The following SGCD variants were observed in gnomAD, a reference collection of about 807,000 sequenced individuals.
SGCD encodes the protein delta-sarcoglycan.
In SGCD, 18 loss-of-function variants were observed where a neutral mutation model predicts 36.6. The ratio of observed to expected loss-of-function variants is 0.49; its 90% CI spans 0.34 to 0.73. SGCD has a LOEUF of 0.73. Ranked by LOEUF, SGCD falls within the 30% of genes least tolerant of loss-of-function variation. SGCD has a pLI of 0.01. For missense variants in SGCD, 387 were observed against 346.7 expected (o/e 1.12, Z -0.92); for synonymous variants, 133 against 130.6 (o/e 1.02, Z -0.12).
chr5:156,633,824 T>G (rs1267880374), intron 6 of SGCD, among the ~76,000 whole-genome samples: 2 of 152,176 alleles, frequency 1.3e-5, no homozygotes, highest in Non-Finnish European at 2.9e-5. Context: ...TGCTCTTTGG[T>G]CAGTTAAGAT....
chr5:156,442,351 A>G (rs1753531638), intron 3 of SGCD, among the ~76,000 whole-genome samples: 1 of 152,202 alleles, frequency 6.6e-6, no homozygotes, highest in Non-Finnish European at 1.5e-5. Context: ...ATTGGTTTAC[A>G]TTGGTTTAAA....
chr5:156,160,859 A>G (rs555921963), intron 3 of SGCD, among the ~76,000 whole-genome samples: 1 of 151,664 alleles, frequency 6.6e-6, no homozygotes, highest in Non-Finnish European at 1.5e-5. Context: ...CTCTTAGATT[A>G]GAGGCCAGCA....
At chr5:156,518,014 G>A (rs958224620) in intron 4 of SGCD, among the ~76,000 whole-genome samples, 1 of 152,154 alleles carries the variant, frequency 6.6e-6, no homozygotes, top group Non-Finnish European at 1.5e-5. Context: ...ATGTAAATGG[G>A]CTAATTGCCC....
At chr5:156,261,109 T>A (rs1765849370) in intron 3 of SGCD, among the ~76,000 whole-genome samples, 2 of 152,194 alleles carry the variant, frequency 1.3e-5, no homozygotes, top group African/African-American at 2.4e-5. Flanking sequence ...AGCTGTGGTG[T>A]CTTTTCTTTA....
intron 6 of SGCD, among the ~76,000 whole-genome samples, chr5:156,631,814 G>C (rs1204182770): frequency 6.6e-6 from 1 of 152,002 alleles, no homozygotes; most frequent in African/African-American, 2.4e-5. Context: ...AGGAGTAATG[G>C]TCACTCTTCA....
At chr5:156,184,991 C>T (rs1342898425) in intron 3 of SGCD, among the ~76,000 whole-genome samples, 1 of 152,108 alleles carries the variant, frequency 6.6e-6, no homozygotes, top group African/African-American at 2.4e-5. Flanking sequence ...ATTCCTGTGC[C>T]CCATTATGAG....
At chr5:156,378,143 C>T (rs750698287) in intron 3 of SGCD, among the ~76,000 whole-genome samples, 6 of 152,126 alleles carry the variant, frequency 3.9e-5, no homozygotes, top group Non-Finnish European at 5.9e-5. Context: ...GTGGTATAGA[C>T]ATACAATGAC....
intron 3 of SGCD, among the ~76,000 whole-genome samples, chr5:156,303,672 G>A (rs932861599): frequency 2.0e-5 from 3 of 151,478 alleles, no homozygotes; most frequent in Non-Finnish European, 2.9e-5. Context: ...TAGTCAGCAG[G>A]TGATGAATCC....
intron 3 of SGCD, among the ~76,000 whole-genome samples, chr5:156,260,187 T>C (rs889608397): frequency 6.6e-6 from 1 of 152,200 alleles, no homozygotes; most frequent in Non-Finnish European, 1.5e-5. Context: ...AAATAGCATA[T>C]GTCCTCTAAA....
chr5:155,843,465 T>G, the SGCD span, among the ~76,000 whole-genome samples: 1 of 152,210 alleles, frequency 6.6e-6, no homozygotes, highest in Non-Finnish European at 1.5e-5. Context: ...AGCAGATTTA[T>G]ATCTTCCAAA....
intron 7 of SGCD, among the ~76,000 whole-genome samples, chr5:156,711,805 C>T (rs1755007286): frequency 6.6e-6 from 1 of 152,162 alleles, no homozygotes; most frequent in African/African-American, 2.4e-5. Context: ...GAACTCAGGG[C>T]AAGTCCATAG....
At chr5:155,805,628 G>A in the SGCD span, among the ~76,000 whole-genome samples, 2 of 152,154 alleles carry the variant, frequency 1.3e-5, no homozygotes, top group African/African-American at 2.4e-5. Flanking sequence ...CACTCATCGC[G>A]AAATAGTCTT....
intron 1 of SGCD, among the ~76,000 whole-genome samples, chr5:156,109,190 G>C (rs1429857232): frequency 6.6e-6 from 1 of 152,118 alleles, no homozygotes; most frequent in African/African-American, 2.4e-5. Flanking sequence ...TCATCATTCA[G>C]AGTTACCCTG....
chr5:156,023,413 C>T (rs543303442), intron 1 of SGCD, among the ~76,000 whole-genome samples: 4 of 152,190 alleles, frequency 2.6e-5, no homozygotes, highest in East Asian at 1.9e-4. Flanking sequence ...AGAGTATGGG[C>T]TCTGAGAGTT....
intron 7 of SGCD, among the ~76,000 whole-genome samples, chr5:156,675,667 G>T (rs891960323): frequency 3.9e-5 from 6 of 152,104 alleles, no homozygotes; most frequent in Non-Finnish European, 7.3e-5. Flanking sequence ...TAAGCACTGT[G>T]GCTATGAATA....
intron 3 of SGCD, among the ~76,000 whole-genome samples, chr5:156,506,128 A>G (rs925198242): frequency 6.6e-6 from 1 of 152,210 alleles, no homozygotes; most frequent in Non-Finnish European, 1.5e-5. Flanking sequence ...ATTGATTTTT[A>G]TTAACCATAA....
At chr5:156,670,208 C>A (rs1292290207) in intron 7 of SGCD, among the ~76,000 whole-genome samples, 1 of 152,102 alleles carries the variant, frequency 6.6e-6, no homozygotes, top group Non-Finnish European at 1.5e-5. Context: ...GTGCTTTTAT[C>A]CATGTGGTCA....
In SGCD at chr5:156,095,074, T is replaced by C. The variant is rs372074419; in HGVS notation, c.-281-22804T>C. Reference sequence around the variant, plus strand: ...GTACTGTCTGACCTTGTTAAAACTGTGATGATTACTGTCCTTATTGCTTGG... The same window carrying C: ...GTACTGTCTGACCTTGTTAAAACTGCGATGATTACTGTCCTTATTGCTTGG... On this transcript the variant is annotated intron_variant, in intron 1 of 9. Coordinates refer to the SGCD transcript ENST00000517913. Among the ~76,000 whole-genome samples the C allele has an allele frequency of 1.1e-3, 160 of 152,282 alleles. 2 individuals carry two copies. In the Middle Eastern group the frequency reaches 0.017, roughly 16 times the overall value.
intron 4 of SGCD, among the ~76,000 whole-genome samples, chr5:156,535,455 G>A (rs1758065398): frequency 6.6e-6 from 1 of 152,192 alleles, no homozygotes; most frequent in Non-Finnish European, 1.5e-5. Flanking sequence ...GACTCAATGA[G>A]ATTCCATGTT....
Sources: gnomAD v4.1 joint callset for allele counts (sites outside exome capture counted in the v4.1 genomes callset) on GRCh38, gnomAD v4.1.1 for gene constraint, MANE v1.5 for transcripts, NCBI Gene and HGNC (gene_info 2026-07-23, HGNC 2026-07-21) for gene names.